The following SLC6A5 variants were observed in gnomAD, a reference collection of about 807,000 sequenced individuals.
SLC6A5 encodes solute carrier family 6 member 5, also known as sodium- and chloride-dependent glycine transporter 2.
In SLC6A5, 58 loss-of-function variants were observed where a neutral mutation model predicts 90.5. That is an observed-to-expected ratio of 0.64 (90% CI 0.52 to 0.80). The LOEUF (loss-of-function observed/expected upper bound fraction) is 0.80. Ranked by LOEUF, SLC6A5 falls within the 30% of genes least tolerant of loss-of-function variation. The pLI is 0.00. For missense variants in SLC6A5, 1,015 were observed against 1,017.6 expected, an observed-to-expected ratio of 1.00 and a Z score of 0.03; for synonymous variants, 427 against 401.4, an observed-to-expected ratio of 1.06 and a Z score of -0.76.
chr11:20,618,980 A>ACACACACACACACACACACACACAC, intron 7 of SLC6A5, among the ~76,000 whole-genome samples: 1 of 146,564 alleles, frequency 6.8e-6, no homozygotes, highest in Non-Finnish European at 1.5e-5. Context: ...ACACACACAC[A>ACACACACACACACACACACACACAC]AAGAAAAACC....
At chr11:20,616,974 T>G (rs1852794240) in intron 6 of SLC6A5, among the ~76,000 whole-genome samples, 1 of 152,224 alleles carries the variant, frequency 6.6e-6, no homozygotes, top group Non-Finnish European at 1.5e-5. Flanking sequence ...GATGTATGGC[T>G]AGATGGTTGC....
rs762675556 is a variant in SLC6A5, at chr11:20,656,230, G to A, written c.*1362G>A. ...AATGTGACATGTGTTCATGTAGTGTGTACTTGTAGTGGTGTTTTCTGTCCT... is the reference window on the plus strand; with the variant it reads ...AATGTGACATGTGTTCATGTAGTGTATACTTGTAGTGGTGTTTTCTGTCCT... On this transcript the variant is annotated 3_prime_UTR_variant, in exon 16 of 16. Transcript: ENST00000525748. The A allele has an allele frequency of 2.6e-5, 4 of 152,208 alleles. No homozygotes were observed. The highest frequency in any genetic ancestry group is 7.2e-5 in the African/African-American group (3 of 41,452). 9.4% of individuals were successfully genotyped at this position (152,208 alleles called of 1,614,324 possible). A position where few individuals can be genotyped will look rare whatever the true frequency, so the allele number is the denominator to read the frequency against.
rs149308421 is a variant in SLC6A5 at position 20,601,468 on chromosome 11, G to A, written c.343G>A (p.Gly115Ser). 7 of 1,611,332 alleles carry A rather than the reference G, an allele frequency of 4.3e-6. No homozygotes were observed. Among genetic ancestry groups the A allele is most frequent in the African/African-American group, 2.7e-5 (2 of 74,900 alleles). ...ASPPPGSSGP[G>S]NALHCKIPFL... ...GCCCCCTCCCGGGAGCTCCGGGCCC[G>A]GCAACGCGCTGCACTGTAAGATCCC... The change falls in exon 2 of 16, where the codon GGC becomes AGC. Residue 115 changes from glycine (G) to serine (S), a missense_variant. Coordinates refer to ENST00000525748, the MANE Select transcript of SLC6A5 (RefSeq NM_004211.5).
chr11:20,630,776 A>C lies in SLC6A5; in HGVS notation c.1585A>C (p.Asn529His), dbSNP rs755306577. 2.0e-5 allele frequency: 32 copies of C among 1,614,072 alleles called. No homozygotes were observed. In the South Asian group the frequency reaches 3.5e-4, roughly 18 times the overall value. ...CTTCTCCGTTATCGGCTTCATGGCCAATGAACGCAAAGTCAACATTGAGAA... is the reference window on the plus strand; with the variant it reads ...CTTCTCCGTTATCGGCTTCATGGCCCATGAACGCAAAGTCAACATTGAGAA... ...VIFSVIGFMA[N>H]ERKVNIENVA... The change falls in exon 10 of 16, where the codon AAT (asparagine) becomes CAT (histidine). Residue 529 changes from asparagine (N) to histidine (H), a missense_variant. By Grantham distance (68) the Asn-to-His change is moderately conservative. Coordinates refer to ENST00000525748, the MANE Select transcript of SLC6A5 (RefSeq NM_004211.5).
chr11:20,611,855 C>T (rs1002852418), intron 5 of SLC6A5, among the ~76,000 whole-genome samples: 4 of 151,852 alleles, frequency 2.6e-5, no homozygotes, highest in East Asian at 1.9e-4. Context: ...AGCACATGAG[C>T]GTGTTCTGTT....
chr11:20,599,653 G>C lies in SLC6A5; in HGVS notation c.-20G>C. The C allele has an allele frequency of 1.2e-6, 2 of 1,614,138 alleles. No individual in the cohort carries two copies. The highest frequency in any genetic ancestry group is 1.7e-6 in the Non-Finnish European group (2 of 1,180,032). ...GCGGGTTTCACCCTCCACCAGTTCA[G>C]TCTGTTGCCTGTGTCAGACATGGTG... On this transcript the variant is annotated 5_prime_UTR_variant, in exon 1 of 16. Coordinates refer to ENST00000525748, the MANE Select transcript of SLC6A5 (RefSeq NM_004211.5).
intron 7 of SLC6A5, among the ~76,000 whole-genome samples, chr11:20,623,507 G>A (rs1852932227): frequency 1.3e-5 from 2 of 152,106 alleles, no homozygotes; most frequent in South Asian, 2.1e-4. Context: ...TGGCTGCTGT[G>A]GCCTCCTTAC....
At chr11:20,623,548 C>T (rs1004223907) in intron 7 of SLC6A5, among the ~76,000 whole-genome samples, 1 of 152,162 alleles carries the variant, frequency 6.6e-6, no homozygotes, top group Admixed American at 6.5e-5. Flanking sequence ...TGCTACATAG[C>T]AACTGGGTGA....
At chr11:20,640,522 A>C (rs1306413518) in intron 13 of SLC6A5, among the ~76,000 whole-genome samples, 3 of 152,080 alleles carry the variant, frequency 2.0e-5, no homozygotes, top group African/African-American at 7.2e-5. Flanking sequence ...CTGGTTTCTA[A>C]GTAAGAGTGC....
intron 9 of SLC6A5, among the ~76,000 whole-genome samples, chr11:20,630,261 G>T (rs897198957): frequency 1.1e-4 from 17 of 152,172 alleles, no homozygotes; most frequent in African/African-American, 3.9e-4. Flanking sequence ...TGGTGGAAGA[G>T]GCAGACACAT....
At chr11:20,606,875 G>C in intron 3 of SLC6A5, 132 bp from the exon 4 acceptor site, 3 of 1,089,580 alleles carry the variant, frequency 2.8e-6, no homozygotes, top group Non-Finnish European at 4.1e-6. Context: ...ACATCAAAGG[G>C]CTTCTTCAGG....
chr11:20,618,070 C>A (rs751389443), intron 7 of SLC6A5, among the ~76,000 whole-genome samples, 186 bp downstream of exon 7: 28 of 152,108 alleles, frequency 1.8e-4, no homozygotes, highest in Non-Finnish European at 1.2e-4. Context: ...ACCTTTCTTG[C>A]AGGGCTGTTT....
At chr11:20,650,516 T>C (rs1009646331) in intron 14 of SLC6A5, among the ~76,000 whole-genome samples, 2 of 152,024 alleles carry the variant, frequency 1.3e-5, no homozygotes, top group South Asian at 2.1e-4. Flanking sequence ...CCCTGTGTGG[T>C]ATACACAGAG....
At chr11:20,644,737 A>G (rs1283504147) in intron 13 of SLC6A5, among the ~76,000 whole-genome samples, 1 of 152,222 alleles carries the variant, frequency 6.6e-6, no homozygotes, top group South Asian at 2.1e-4. Flanking sequence ...GTACAACTCA[A>G]TGAATTTTCA....
chr11:20,648,543 T>C (rs1692047770), intron 14 of SLC6A5, among the ~76,000 whole-genome samples: 1 of 152,132 alleles, frequency 6.6e-6, no homozygotes, highest in Non-Finnish European at 1.5e-5. Flanking sequence ...ATCTCTTGAA[T>C]TCAGGACTGG....
chr11:20,652,213 C>CG (rs1233897394), intron 14 of SLC6A5, 76 bp from the exon 15 acceptor site: 7 of 1,319,202 alleles, frequency 5.3e-6, no homozygotes, highest in African/African-American at 1.4e-5. Flanking sequence ...AAACTCATAA[C>CG]GGGGGTTTAA....
intron 13 of SLC6A5, among the ~76,000 whole-genome samples, chr11:20,641,527 C>T (rs1425756843): frequency 6.6e-6 from 1 of 152,088 alleles, no homozygotes; most frequent in Non-Finnish European, 1.5e-5. Context: ...CAAAAATAAA[C>T]TGTACCCCTG....
chr11:20,634,149 C>T (rs543789905), intron 10 of SLC6A5, among the ~76,000 whole-genome samples: 76 of 152,300 alleles, frequency 5.0e-4, no homozygotes, highest in Non-Finnish European at 8.8e-4. Context: ...GGATTACAGG[C>T]GTGAGCCACC....
At position 20,657,566 on chromosome 11, in the gene SLC6A5, AT is replaced by A. The variant is rs1853652333; in HGVS notation, c.*2699del. On this transcript the variant is annotated 3_prime_UTR_variant, in exon 16 of 16. Coordinates refer to ENST00000525748, the MANE Select transcript of SLC6A5 (RefSeq NM_004211.5). Reference sequence around the variant, plus strand: ...TGTACAGTCAATTGGAAGAAAAAAAATGAAAAAAATAAAATGAATAACATTG... The same window carrying A: ...TGTACAGTCAATTGGAAGAAAAAAAAGAAAAAAATAAAATGAATAACATTG... 6.6e-6 allele frequency: 1 copy of A among 152,224 alleles called. No homozygotes were observed. The highest frequency in any genetic ancestry group is 2.4e-5 in the African/African-American group (1 of 41,454). 9.4% of individuals were successfully genotyped at this position (152,224 alleles called of 1,614,324 possible). A position where few individuals can be genotyped will look rare whatever the true frequency, so the allele number is the denominator to read the frequency against.
Sources: allele counts gnomAD v4.1 joint callset (sites outside exome capture counted in the v4.1 genomes callset), GRCh38; gene constraint gnomAD v4.1.1; transcripts MANE v1.5; gene names NCBI Gene and HGNC (gene_info 2026-07-23, HGNC 2026-07-21).